PHF21B: variants seen among roughly 807,000 people sequenced by gnomAD.
The protein encoded by PHF21B is PHD finger protein 4.
In PHF21B, 22 loss-of-function variants were observed where a neutral mutation model predicts 62.2. The ratio of observed to expected loss-of-function variants is 0.35; its 90% CI spans 0.25 to 0.51. The LOEUF (loss-of-function observed/expected upper bound fraction) is 0.51, where lower values mean the gene tolerates loss of function less well. Among genes scored for constraint, PHF21B ranks in the 20% least tolerant of loss-of-function variants. PHF21B has a pLI of 0.97. For missense variants in PHF21B, 701 were observed against 707.9 expected, an observed-to-expected ratio of 0.99 and a Z score of 0.11; for synonymous variants, 341 against 314.7, an observed-to-expected ratio of 1.08 and a Z score of -0.88.
chr22:44,923,520 A>G (rs2071575009), intron 2 of PHF21B, among the ~76,000 whole-genome samples: 1 of 152,212 alleles, frequency 6.6e-6, no homozygotes, highest in African/African-American at 2.4e-5. Context: ...ATTAACTTCA[A>G]CAAAATAAGA....
At chr22:45,005,310 TG>T in intron 2 of PHF21B, among the ~76,000 whole-genome samples, 6 of 152,166 alleles carry the variant, frequency 3.9e-5, no homozygotes. Flanking sequence ...GCAGCTTAGC[TG>T]GCCTGGGCCT....
At chr22:44,998,627 G>A (rs116700679) in intron 2 of PHF21B, among the ~76,000 whole-genome samples, 2,334 of 152,248 alleles carry the variant, frequency 0.015, 54 homozygotes, top group African/African-American at 0.053. Context: ...CCAAGTCAGG[G>A]GCCGAATCCC....
chr22:44,890,048 G>A (rs1036852153), intron 8 of PHF21B, among the ~76,000 whole-genome samples: 7 of 150,866 alleles, frequency 4.6e-5, no homozygotes, highest in African/African-American at 1.5e-4. Flanking sequence ...AGGGCATGAT[G>A]GGAATATCAC....
Position 44,975,170 on chromosome 22 carries a change from C to G in PHF21B, c.120+33375G>C, listed in dbSNP as rs118067234. On this transcript the variant is annotated intron_variant, in intron 2 of 12. Transcript: ENST00000313237. ...CCCCATCACCATCCTCCTCTCACCC[C>G]TTCTCCATCAAACCCACCTTTTCTC... Among the ~76,000 whole-genome samples, 1,447 of 152,296 alleles carry G rather than the reference C, an allele frequency of 9.5e-3. 9 individuals are homozygous for G. The highest frequency in any genetic ancestry group is 0.014 in the Non-Finnish European group (952 of 68,022).
intron 3 of PHF21B, among the ~76,000 whole-genome samples, chr22:44,918,789 G>A (rs2071484445): frequency 6.6e-6 from 1 of 152,244 alleles, no homozygotes; most frequent in Non-Finnish European, 1.5e-5. Context: ...AAGGGAGAGA[G>A]GAAGAAGAGA....
chr22:45,004,620 C>T (rs2073281074), intron 2 of PHF21B, among the ~76,000 whole-genome samples: 2 of 152,102 alleles, frequency 1.3e-5, no homozygotes, highest in Admixed American at 1.3e-4. Flanking sequence ...GGAGAGTAAG[C>T]TTGGGAGGAG....
chr22:44,997,039 C>T (rs536561587), intron 2 of PHF21B, among the ~76,000 whole-genome samples: 4 of 152,352 alleles, frequency 2.6e-5, no homozygotes, highest in South Asian at 4.1e-4. Context: ...CTGTCTCCCC[C>T]CCGAGTCTCT....
At chr22:44,963,179 G>T (rs982364680) in intron 2 of PHF21B, among the ~76,000 whole-genome samples, 2 of 152,220 alleles carry the variant, frequency 1.3e-5, no homozygotes, top group African/African-American at 4.8e-5. Context: ...TCTGGGAACA[G>T]AGGGGAAACC....
chr22:44,885,719 C>T (rs893645516), intron 11 of PHF21B, 144 bp downstream of exon 11: 3 of 1,062,290 alleles, frequency 2.8e-6, no homozygotes, highest in Non-Finnish European at 1.4e-6. Context: ...GACACAGGAC[C>T]GGTCCCAGGA....
chr22:44,990,917 T>C (rs2073033177), intron 2 of PHF21B, among the ~76,000 whole-genome samples: 1 of 152,176 alleles, frequency 6.6e-6, no homozygotes, highest in African/African-American at 2.4e-5. Flanking sequence ...CAGGAGTCGC[T>C]AACTGCGTGG....
At chr22:44,891,492 C>A in intron 7 of PHF21B, 132 bp from the exon 8 acceptor site, 2 of 1,043,148 alleles carry the variant, frequency 1.9e-6, no homozygotes, top group Non-Finnish European at 2.9e-6. Context: ...CTGGACACCC[C>A]CTGCCAGGGG....
intron 12 of PHF21B, 60 bp from the exon 13 acceptor site, chr22:44,883,364 G>C: frequency 6.5e-7 from 1 of 1,526,862 alleles, no homozygotes; most frequent in Non-Finnish European, 8.9e-7. Flanking sequence ...CCATCCTGGG[G>C]CAGCCACCGT....
At position 45,008,630 on chromosome 22, in the gene PHF21B, C is replaced by G. The variant is rs554133673; in HGVS notation, c.55-20G>C. The G allele has an allele frequency of 1.4e-5, 21 of 1,548,896 alleles. No individual in the cohort carries two copies. The highest frequency in any genetic ancestry group is 1.7e-5 in the Non-Finnish European group (19 of 1,144,924). ...GCCGTTCTGCGGAAACACGGAGGAG[C>G]GGGCTCAGGCAGGCCACCCGGGGTC... On this transcript the variant is annotated intron_variant, in intron 1 of 12. Transcript: ENST00000313237.
At chr22:44,943,582 G>C (rs2072004911) in intron 2 of PHF21B, among the ~76,000 whole-genome samples, 1 of 152,032 alleles carries the variant, frequency 6.6e-6, no homozygotes, top group African/African-American at 2.4e-5. Flanking sequence ...GCGGGCTCTA[G>C]AGTCCTGGCA....
intron 2 of PHF21B, chr22:45,002,040 G>C (rs1237382285): frequency 6.6e-6 from 1 of 152,214 alleles, no homozygotes; most frequent in Non-Finnish European, 1.5e-5. Flanking sequence ...TGACCAAAAT[G>C]ATAGAATGCT....
chr22:44,935,530 C>T (rs1190867480), intron 2 of PHF21B, among the ~76,000 whole-genome samples: 1 of 152,030 alleles, frequency 6.6e-6, no homozygotes, highest in African/African-American at 2.4e-5. Context: ...AGGAGAATGG[C>T]GTGAACCCGG....
rs2073391017 is a variant in PHF21B, at chr22:45,009,756, G to A, written c.-207C>T. Reference sequence around the variant, plus strand: ...CGGGCGCCGCGGCGCCGAGCCCTCGGCTGCCCCAACTCCTCAGGCTGCCCG... The same window carrying A: ...CGGGCGCCGCGGCGCCGAGCCCTCGACTGCCCCAACTCCTCAGGCTGCCCG... On this transcript the variant is annotated 5_prime_UTR_variant, in exon 1 of 13. Transcript: ENST00000313237. This position sits in a 1 kb window ranked among gnomAD's most constrained non-coding sequence, Gnocchi z 5.9. The A allele has an allele frequency of 2.3e-6, 1 of 431,970 alleles. No individual in the cohort carries two copies. Among genetic ancestry groups the A allele is most frequent in the African/African-American group, 2.1e-5 (1 of 46,768 alleles). 26.8% of individuals were successfully genotyped at this position (431,970 alleles called of 1,614,324 possible). A position where few individuals can be genotyped will look rare whatever the true frequency, so the allele number is the denominator to read the frequency against.
Position 44,889,763 on chromosome 22 carries a change from C to G in PHF21B, c.1035G>C (p.Trp345Cys), listed in dbSNP as rs2070927733. The G allele has an allele frequency of 6.4e-7, 1 of 1,570,504 alleles. No homozygotes were observed. Among genetic ancestry groups the G allele is most frequent in the African/African-American group, 1.4e-5 (1 of 71,700 alleles). Residue 345 changes from tryptophan to cysteine, a missense_variant, in exon 9 of 13, where the codon TGG becomes TGC. By Grantham distance (215) the Trp-to-Cys change is radical. Coordinates refer to ENST00000313237, the MANE Select transcript of PHF21B (RefSeq NM_138415.5). ...GACGGAGGGAGGGGACACGTACCTT[C>G]CAGCAGGGGTCCTCATTGGCTAGCA... The part of the protein sequence containing the change: ...LTARANEDPC[W>C]KNEITHDEHC...
chr22:44,991,616 G>A (rs76344678), intron 2 of PHF21B, among the ~76,000 whole-genome samples: 2 of 152,314 alleles, frequency 1.3e-5, no homozygotes, highest in African/African-American at 2.4e-5. Context: ...ATCCATGGAG[G>A]GGCAGTCCCT....
Sources: allele counts gnomAD v4.1 joint callset (sites outside exome capture counted in the v4.1 genomes callset), GRCh38; gene constraint gnomAD v4.1.1; non-coding constraint Gnocchi (gnomAD v3.1); transcripts MANE v1.5; gene names NCBI Gene and HGNC (gene_info 2026-07-23, HGNC 2026-07-21).